The following FHIT variants were observed in gnomAD, a reference collection of about 807,000 sequenced individuals.
FHIT encodes fragile histidine triad diadenosine triphosphatase.
In FHIT, 19 loss-of-function variants were observed where a neutral mutation model predicts 17.9. The ratio of observed to expected loss-of-function variants is 1.06; its 90% CI spans 0.74 to 1.56. The LOEUF (loss-of-function observed/expected upper bound fraction) is 1.56. FHIT is among the 40% of genes most tolerant of loss of function. FHIT has a pLI of 0.00. For synonymous variants in FHIT, 81 were observed against 69.7 expected, an observed-to-expected ratio of 1.16 and a Z score of -0.81; for missense variants, 248 against 189.2, an observed-to-expected ratio of 1.31 and a Z score of -1.82.
intron 3 of FHIT, among the ~76,000 whole-genome samples, chr3:60,950,023 A>T (rs550194895): frequency 6.6e-6 from 1 of 152,240 alleles, no homozygotes; most frequent in Non-Finnish European, 1.5e-5. Context: ...TAATGGAGCT[A>T]AAAAATTCCT....
intron 3 of FHIT, among the ~76,000 whole-genome samples, chr3:60,926,927 C>G (rs1028034173): frequency 1.3e-5 from 2 of 152,092 alleles, no homozygotes; most frequent in African/African-American, 4.8e-5. Context: ...CTAAAAACAC[C>G]TCTATGCAAA....
At chr3:60,708,174 A>G (rs1180937377) in intron 4 of FHIT, among the ~76,000 whole-genome samples, 2 of 152,240 alleles carry the variant, frequency 1.3e-5, no homozygotes, top group East Asian at 3.8e-4. Context: ...AATTAGTATC[A>G]GCAAACGGAT....
chr3:60,095,920 T>C (rs1559627465), intron 5 of FHIT, among the ~76,000 whole-genome samples: 1 of 152,204 alleles, frequency 6.6e-6, no homozygotes, highest in African/African-American at 2.4e-5. Flanking sequence ...TTTCCCATCC[T>C]GGGCTGTGTA....
chr3:60,660,841 T>A (rs2040231531), intron 4 of FHIT, among the ~76,000 whole-genome samples: 1 of 150,746 alleles, frequency 6.6e-6, no homozygotes. Context: ...TCTTGACTTT[T>A]CAGAGTTCTT....
rs148565679 is a variant in FHIT, at chr3:60,968,803, AT to A, written c.-111+73243del. ...TTACCATGAATGAATGTGTTTGTCA[AT>A]TTTTTCCCCTTATCTATTGAGATGA... is the stretch of plus-strand genomic sequence containing the variant. On this transcript the variant is annotated intron_variant, in intron 3 of 9. Coordinates refer to ENST00000492590, the MANE Select transcript of FHIT (RefSeq NM_002012.4). Among the ~76,000 whole-genome samples, 1,427 of 152,154 alleles carry A rather than the reference AT, an allele frequency of 9.4e-3. 19 individuals are homozygous for A. The highest frequency in any genetic ancestry group is 0.032 in the African/African-American group (1,344 of 41,502).
intron 5 of FHIT, among the ~76,000 whole-genome samples, chr3:60,471,602 T>C (rs1237681252): frequency 6.6e-6 from 1 of 152,200 alleles, no homozygotes; most frequent in Non-Finnish European, 1.5e-5. Context: ...AATGGTGACA[T>C]CAACCATTCA....
rs2032534438 is a variant in FHIT, at chr3:60,462,475, C to T, written c.103+74385G>A. On this transcript the variant is annotated intron_variant, in intron 5 of 9. Coordinates refer to ENST00000492590, the MANE Select transcript of FHIT (RefSeq NM_002012.4). ...CTAGGGCAAGTCCTCGACAGAAAGG[C>T]ATGGGGTGTGAAAAGAATGTATAAT... 3.3e-5 allele frequency among the ~76,000 whole-genome samples: 5 copies of T among 152,116 alleles called. No individual in the cohort carries two copies. In the South Asian group the frequency reaches 8.3e-4, roughly 25 times the overall value.
At chr3:60,022,959 T>C (rs145271987) in intron 5 of FHIT, among the ~76,000 whole-genome samples, 42 of 152,356 alleles carry the variant, frequency 2.8e-4, no homozygotes, top group African/African-American at 9.9e-4. Context: ...GTCTAGAATT[T>C]AGATAATTCT....
intron 3 of FHIT, among the ~76,000 whole-genome samples, chr3:60,845,921 T>A (rs1445613280): frequency 1.3e-5 from 2 of 152,144 alleles, no homozygotes; most frequent in African/African-American, 4.8e-5. Flanking sequence ...GTAATGCAGT[T>A]TTAAACCATT....
intron 5 of FHIT, among the ~76,000 whole-genome samples, chr3:60,406,683 G>T (rs1358949269): frequency 6.6e-6 from 1 of 151,134 alleles, no homozygotes; most frequent in African/African-American, 2.4e-5. Context: ...GGTGGGGGGT[G>T]GTGTGGGGTG....
At chr3:59,941,003 C>T (rs980892542) in intron 7 of FHIT, among the ~76,000 whole-genome samples, 12 of 152,162 alleles carry the variant, frequency 7.9e-5, no homozygotes, top group African/African-American at 2.7e-4. Context: ...TACTCACGGC[C>T]ATGATCCCAG....
chr3:60,828,974 GAGA>G (rs1702220709), intron 3 of FHIT, among the ~76,000 whole-genome samples: 1 of 152,214 alleles, frequency 6.6e-6, no homozygotes, highest in South Asian at 2.1e-4. Flanking sequence ...CCTGAAGGAT[GAGA>G]AGGAGAACAA....
At chr3:60,955,587 CATATATATACATATATATATAT>C (rs1178319997) in intron 3 of FHIT, among the ~76,000 whole-genome samples, 14 of 22,912 alleles carry the variant, frequency 6.1e-4, no homozygotes, top group Admixed American at 1.0e-3. Context: ...TCTGCTTAGG[CATATATATACATATATATATAT>C]ATATATATAT....
intron 4 of FHIT, among the ~76,000 whole-genome samples, chr3:60,634,356 T>G: frequency 6.6e-6 from 1 of 152,182 alleles, no homozygotes; most frequent in East Asian, 1.9e-4. Flanking sequence ...AATTCACCGC[T>G]ACATAAATTA....
At chr3:59,973,647 G>A (rs1559511027) in intron 7 of FHIT, among the ~76,000 whole-genome samples, 1 of 152,064 alleles carries the variant, frequency 6.6e-6, no homozygotes, top group Admixed American at 6.6e-5. Flanking sequence ...CCACTAGATT[G>A]TAACCTCCCT....
intron 5 of FHIT, among the ~76,000 whole-genome samples, chr3:60,517,325 T>A (rs979364319): frequency 6.6e-6 from 1 of 152,238 alleles, no homozygotes; most frequent in South Asian, 2.1e-4. Flanking sequence ...ATGCAATACA[T>A]GTAAAATTCT....
At chr3:60,717,836 A>T (rs2041721972) in intron 4 of FHIT, among the ~76,000 whole-genome samples, 1 of 152,196 alleles carries the variant, frequency 6.6e-6, no homozygotes, top group Admixed American at 6.5e-5. Flanking sequence ...AAAATGTGAC[A>T]GCCATTTTTC....
intron 5 of FHIT, among the ~76,000 whole-genome samples, chr3:60,150,997 C>T (rs939972725): frequency 1.3e-5 from 2 of 152,004 alleles, no homozygotes; most frequent in African/African-American, 2.4e-5. Context: ...AGACCCCCAA[C>T]AAGTCATAAT....
At chr3:59,945,072 T>A (rs1221614750) in intron 7 of FHIT, among the ~76,000 whole-genome samples, 1 of 152,132 alleles carries the variant, frequency 6.6e-6, no homozygotes, top group Non-Finnish European at 1.5e-5. Context: ...TGAATAGTAG[T>A]TCTGTATTAA....
Sources: gnomAD v4.1 joint callset for allele counts (sites outside exome capture counted in the v4.1 genomes callset) on GRCh38, gnomAD v4.1.1 for gene constraint, MANE v1.5 for transcripts, NCBI Gene and HGNC (gene_info 2026-07-23, HGNC 2026-07-21) for gene names.